GNA15: variants seen among roughly 807,000 people sequenced by gnomAD.
GNA15 encodes the protein guanine nucleotide-binding protein subunit alpha-15.
GNA15 carries 23 observed loss-of-function variants against 40.1 expected under a neutral mutation model. The observed-to-expected ratio is 0.57, with a 90% confidence interval of 0.41 to 0.81. The LOEUF is 0.81. GNA15 is among the 40% of genes least tolerant of loss of function. The probability of loss-of-function intolerance (pLI) is 0.00; values close to 1 mark genes in which losing one functional copy is unlikely to be tolerated. For synonymous variants in GNA15, 226 were observed against 210.4 expected (o/e 1.07, Z -0.64); for missense variants, 522 against 515.8 (o/e 1.01, Z -0.12).
intron 4 of GNA15, among the ~76,000 whole-genome samples, chr19:3,152,474 T>C (rs917885342): frequency 6.6e-6 from 1 of 151,984 alleles, no homozygotes; most frequent in African/African-American, 2.4e-5. Context: ...AAGGTGGTGA[T>C]GGAGTCCTTT....
In GNA15 at chr19:3,155,220, C is replaced by G. The variant is rs1403316861; in HGVS notation, c.615-603C>G. ...GTCCAAAGCCTCTGTTCTGGGACTTCCTGAGTAACGGTTGCATCCCCAGGG... is the reference window on the plus strand; with the variant it reads ...GTCCAAAGCCTCTGTTCTGGGACTTGCTGAGTAACGGTTGCATCCCCAGGG... On this transcript the variant is annotated intron_variant, in intron 4 of 6. Coordinates refer to ENST00000262958, the MANE Select transcript of GNA15 (RefSeq NM_002068.4). The surrounding 1 kb of genome is among the most constrained non-coding windows in gnomAD (Gnocchi z 5.6). 6.5e-6 allele frequency: 1 copy of G among 152,804 alleles called. No individual in the cohort carries two copies. Among genetic ancestry groups the G allele is most frequent in the Non-Finnish European group, 1.5e-5 (1 of 68,522 alleles). The allele number at this position is 152,804 out of a possible 1,614,324, so 9.5% of individuals were successfully genotyped here.
At chr19:3,153,867 G>A (rs965208113) in intron 4 of GNA15, among the ~76,000 whole-genome samples, 2 of 151,626 alleles carry the variant, frequency 1.3e-5, no homozygotes, top group Non-Finnish European at 2.9e-5. Context: ...GTGGGTGAAT[G>A]GATGGATGAA....
chr19:3,161,970 T>C (rs927467023), intron 6 of GNA15, among the ~76,000 whole-genome samples: 1 of 147,846 alleles, frequency 6.8e-6, no homozygotes, highest in Non-Finnish European at 1.5e-5. Flanking sequence ...GAGGTGGAGG[T>C]TGCAGTGAGC....
chr19:3,148,886 G>C, intron 2 of GNA15, 111 bp downstream of exon 2: 1 of 1,097,702 alleles, frequency 9.1e-7, no homozygotes, highest in Non-Finnish European at 1.3e-6. Context: ...GGCAGGGCAG[G>C]GCAGGGCAGG....
chr19:3,138,454 G>A (rs1914501873), intron 1 of GNA15, among the ~76,000 whole-genome samples: 1 of 152,104 alleles, frequency 6.6e-6, no homozygotes, highest in Non-Finnish European at 1.5e-5. Flanking sequence ...CTGGACTCGC[G>A]TTTGTCTGCC....
chr19:3,139,400 A>G (rs995644008), intron 1 of GNA15, among the ~76,000 whole-genome samples: 1 of 151,646 alleles, frequency 6.6e-6, no homozygotes, highest in Admixed American at 6.6e-5. Flanking sequence ...CAGCCTGGGC[A>G]ACTTAGCAAG....
intron 1 of GNA15, among the ~76,000 whole-genome samples, chr19:3,140,043 AAATCT>A (rs1203241866): frequency 8.7e-4 from 37 of 42,512 alleles, no homozygotes; most frequent in African/African-American, 3.1e-3. Context: ...CAAAAAAAAA[AAATCT>A]ATCTATCTAT....
chr19:3,136,197 A>C lies in GNA15; in HGVS notation c.-254A>C. ...TGAGCAGGTCTGGAGGTGGGCGGGG[A>C]GCCCTGGCCTCCCCACCTCCTCCCG... On this transcript the variant is annotated 5_prime_UTR_variant, in exon 1 of 7. Coordinates refer to ENST00000262958, the MANE Select transcript of GNA15 (RefSeq NM_002068.4). This position sits in a 1 kb window ranked among gnomAD's most constrained non-coding sequence, Gnocchi z 4.9. 2 of 391,978 alleles carry C rather than the reference A, an allele frequency of 5.1e-6. No individual in the cohort carries two copies. The highest frequency in any genetic ancestry group is 4.7e-6 in the Non-Finnish European group (1 of 214,592). 24.3% of individuals were successfully genotyped at this position (391,978 alleles called of 1,614,324 possible).
intron 2 of GNA15, chr19:3,149,228 C>T (rs1330513178): frequency 1.2e-5 from 2 of 170,686 alleles, no homozygotes; most frequent in African/African-American, 2.4e-5. Context: ...CGCCCATGCA[C>T]GTGTACACAC....
In GNA15 at chr19:3,148,711, C is replaced by G; in HGVS notation, c.266C>G (p.Ser89Cys). The G allele has an allele frequency of 6.2e-7, 1 of 1,602,690 alleles. No individual in the cohort carries two copies. Among genetic ancestry groups the G allele is most frequent in the East Asian group, 2.3e-5 (1 of 44,432 alleles). Reference protein sequence around the residue: ...RPLVYQNIFVSMRAMIEAMER... With the variant: ...RPLVYQNIFVCMRAMIEAMER... The stretch of plus-strand genomic sequence containing the variant: ...CTGGTCTACCAGAACATCTTCGTGT[C>G]CATGCGGGCCATGATCGAGGCCATG... Residue 89 changes from serine to cysteine, a missense_variant, in exon 2 of 7, where the codon TCC becomes TGC. Transcript: ENST00000262958.
At chr19:3,150,878 T>A (rs536341733) in intron 3 of GNA15, among the ~76,000 whole-genome samples, 41 of 151,972 alleles carry the variant, frequency 2.7e-4, no homozygotes, top group African/African-American at 9.4e-4. Context: ...GTGACCCTGT[T>A]TCTGGGGGGA....
Position 3,155,712 on chromosome 19 carries a change from A to G in GNA15, c.615-111A>G, listed in dbSNP as rs1914995735. 8.0e-7 allele frequency: 1 copy of G among 1,245,690 alleles called. No individual in the cohort carries two copies. Among genetic ancestry groups the G allele is most frequent in the South Asian group, 1.4e-5 (1 of 71,376 alleles). 77.2% of individuals were successfully genotyped at this position (1,245,690 alleles called of 1,614,324 possible). On this transcript the variant is annotated intron_variant, in intron 4 of 6. Coordinates refer to ENST00000262958, the MANE Select transcript of GNA15 (RefSeq NM_002068.4). This position sits in a 1 kb window ranked among gnomAD's most constrained non-coding sequence, Gnocchi z 5.6. ...GCAAATCCACGAGAGGCTAGCACCT[A>G]TTCTTGCTGTCGCTATTATGGATCT...
chr19:3,146,934 C>T (rs1456473398), intron 1 of GNA15, among the ~76,000 whole-genome samples: 3 of 151,978 alleles, frequency 2.0e-5, no homozygotes, highest in Non-Finnish European at 2.9e-5. Context: ...TCACTCTGCT[C>T]CAGCCACAAG....
At position 3,157,789 on chromosome 19, in the gene GNA15, G is replaced by A. The variant is rs756817009; in HGVS notation, c.806G>A (p.Ser269Asn). 2 of 1,613,640 alleles carry A rather than the reference G, an allele frequency of 1.2e-6. No homozygotes were observed. Among genetic ancestry groups the A allele is most frequent in the South Asian group, 2.2e-5 (2 of 91,080 alleles). Residue 269 changes from serine to asparagine, a missense_variant, in exon 6 of 7, where the codon AGC becomes AAC. By Grantham distance (46) the Ser-to-Asn change is conservative. Coordinates refer to ENST00000262958, the MANE Select transcript of GNA15 (RefSeq NM_002068.4). ...ATCCTGGAACTACCCTGGTTCAAAA[G>A]CACATCCGTCATCCTCTTTCTCAAC... The part of the protein sequence containing the change: ...GTILELPWFK[S>N]TSVILFLNKT...
chr19:3,152,297 C>CT (rs759616227), intron 4 of GNA15, among the ~76,000 whole-genome samples: 40 of 152,086 alleles, frequency 2.6e-4, no homozygotes, highest in Non-Finnish European at 4.9e-4. Flanking sequence ...GGAGCCAGGA[C>CT]AGCGGGCGTG....
Position 3,139,461 on chromosome 19 carries a change from G to T in GNA15, c.145+2866G>T, listed in dbSNP as rs574837299. Among the ~76,000 whole-genome samples the T allele has an allele frequency of 9.2e-5, 14 of 152,114 alleles. No individual in the cohort carries two copies. The East Asian group carries it at 2.5e-3, about 27-fold the overall frequency. On this transcript the variant is annotated intron_variant, in intron 1 of 6. Coordinates refer to ENST00000262958, the MANE Select transcript of GNA15 (RefSeq NM_002068.4). ...AATAAAATAATTAGCCAGGCATGGT[G>T]GTGCGCAACTGTAGTTCCAACTACT...
chr19:3,153,247 T>G (rs1445149690), intron 4 of GNA15, among the ~76,000 whole-genome samples: 1 of 126,444 alleles, frequency 7.9e-6, no homozygotes, highest in Non-Finnish European at 1.8e-5. Context: ...ATACTTGGTC[T>G]GGGAATCTTT....
chr19:3,154,317 G>A (rs981742334), intron 4 of GNA15, among the ~76,000 whole-genome samples: 19 of 148,424 alleles, frequency 1.3e-4, no homozygotes, highest in Non-Finnish European at 1.8e-4. Context: ...ATGAATGAAT[G>A]GGTAGATGGG....
chr19:3,160,553 A>G (rs1245762488), intron 6 of GNA15, among the ~76,000 whole-genome samples: 1 of 152,184 alleles, frequency 6.6e-6, no homozygotes, highest in African/African-American at 2.4e-5. Context: ...AAGAGACTCC[A>G]TCTCTTGAAG....
Sources: gnomAD v4.1 joint callset for allele counts (sites outside exome capture counted in the v4.1 genomes callset) on GRCh38, gnomAD v4.1.1 for gene constraint, Gnocchi (gnomAD v3.1) non-coding constraint, MANE v1.5 for transcripts, NCBI Gene and HGNC (gene_info 2026-07-23, HGNC 2026-07-21) for gene names.